The following MIR2052HG variants were observed in gnomAD, a reference collection of about 807,000 sequenced individuals.
The protein encoded by MIR2052HG is MIR2052 host gene.
At chr8:74,716,164 A>C (rs1268022785) in intron 4 of MIR2052HG, among the ~76,000 whole-genome samples, 1 of 152,144 alleles carries the variant, frequency 6.6e-6, no homozygotes, top group Non-Finnish European at 1.5e-5. Context: ...TGCCACCTGA[A>C]CAGTGAGGAA....
intron 5 of MIR2052HG, among the ~76,000 whole-genome samples, chr8:74,753,363 C>G (rs1049244151): frequency 3.9e-5 from 6 of 152,052 alleles, no homozygotes; most frequent in Non-Finnish European, 8.8e-5. Context: ...GCATAGGATG[C>G]GTAACAGTGA....
intron 2 of MIR2052HG, among the ~76,000 whole-genome samples, chr8:74,618,770 C>T (rs1216188413): frequency 6.6e-6 from 1 of 152,176 alleles, no homozygotes; most frequent in Admixed American, 6.5e-5. Flanking sequence ...TTCTATTCAA[C>T]ATAGTACTGG....
chr8:74,686,398 CTTGA>C (rs1162455718), intron 2 of MIR2052HG, among the ~76,000 whole-genome samples: 1 of 151,950 alleles, frequency 6.6e-6, no homozygotes, highest in Non-Finnish European at 1.5e-5. Context: ...TTTTGTTCAA[CTTGA>C]TTGATAGAGA....
At chr8:74,656,852 G>T (rs1433313387) in intron 2 of MIR2052HG, among the ~76,000 whole-genome samples, 1 of 152,182 alleles carries the variant, frequency 6.6e-6, no homozygotes, top group Admixed American at 6.5e-5. Flanking sequence ...GCTTTTCAGG[G>T]ACAAAAGAAG....
chr8:74,717,180 C>G (rs1434654205), intron 4 of MIR2052HG, among the ~76,000 whole-genome samples: 1 of 151,954 alleles, frequency 6.6e-6, no homozygotes, highest in Non-Finnish European at 1.5e-5. Flanking sequence ...CCTGAAAGAC[C>G]CTTCCTTGTT....
intron 1 of MIR2052HG, among the ~76,000 whole-genome samples, chr8:74,601,645 G>GT (rs907530027): frequency 5.3e-5 from 8 of 152,008 alleles, no homozygotes; most frequent in African/African-American, 1.9e-4. Context: ...AACCTTTCTT[G>GT]TTTTCTCCAC....
intron 4 of MIR2052HG, among the ~76,000 whole-genome samples, chr8:74,732,589 T>A (rs1173458101): frequency 6.6e-6 from 1 of 152,152 alleles, no homozygotes; most frequent in Non-Finnish European, 1.5e-5. Flanking sequence ...CAATAAGTAA[T>A]ATAATGCTCA....
At position 74,689,229 on chromosome 8, in the gene MIR2052HG, G is replaced by A. The variant is rs79945007; in HGVS notation, n.217-13150G>A. On this transcript the variant is annotated intron_variant and non_coding_transcript_variant, in intron 2 of 6. Coordinates refer to ENST00000523442, the Ensembl canonical transcript of MIR2052HG. ...TAGAGAGAAAAAGACCACTAAAATG[G>A]GAAGACTCATCTCTTCTTTGCAGTT... Among the ~76,000 whole-genome samples the A allele has an allele frequency of 7.4e-3, 1,133 of 152,186 alleles. 9 individuals carry two copies. The highest frequency in any genetic ancestry group is 0.026 in the African/African-American group (1,076 of 41,524).
chr8:74,697,412 G>A (rs778502171), intron 2 of MIR2052HG, among the ~76,000 whole-genome samples: 2 of 152,072 alleles, frequency 1.3e-5, no homozygotes, highest in Non-Finnish European at 2.9e-5. Flanking sequence ...CTGAGAACTG[G>A]AACAAGACAA....
At chr8:74,714,483 A>G (rs1035230881) in intron 4 of MIR2052HG, among the ~76,000 whole-genome samples, 6 of 152,190 alleles carry the variant, frequency 3.9e-5, no homozygotes, top group Admixed American at 3.9e-4. Flanking sequence ...ATCCAACTCT[A>G]TATTAAATGA....
At chr8:74,713,952 G>A (rs1350722192) in intron 4 of MIR2052HG, among the ~76,000 whole-genome samples, 1 of 152,070 alleles carries the variant, frequency 6.6e-6, no homozygotes, top group Non-Finnish European at 1.5e-5. Context: ...TGGGAGAAAA[G>A]ATGGGGGGAA....
At chr8:74,743,943 C>T (rs1030479637) in intron 4 of MIR2052HG, among the ~76,000 whole-genome samples, 3 of 152,146 alleles carry the variant, frequency 2.0e-5, no homozygotes, top group Non-Finnish European at 4.4e-5. Context: ...GAATTAATGC[C>T]ACGAAACTTA....
chr8:74,701,112 A>G (rs986380034), intron 2 of MIR2052HG, among the ~76,000 whole-genome samples: 1 of 152,156 alleles, frequency 6.6e-6, no homozygotes, highest in Non-Finnish European at 1.5e-5. Flanking sequence ...GAGAATAAAG[A>G]AAACTGTGGC....
chr8:74,661,566 A>G (rs1386339124), intron 2 of MIR2052HG, among the ~76,000 whole-genome samples: 1 of 152,206 alleles, frequency 6.6e-6, no homozygotes, highest in Non-Finnish European at 1.5e-5. Flanking sequence ...GCATGGCTGT[A>G]CAAGAGGTTC....
At chr8:74,600,351 G>A (rs1487857585) in intron 1 of MIR2052HG, among the ~76,000 whole-genome samples, 2 of 151,116 alleles carry the variant, frequency 1.3e-5, no homozygotes, top group East Asian at 2.0e-4. Context: ...TTGAGAGGCC[G>A]AGGTGGGCGG....
chr8:74,697,780 A>G (rs578261970), intron 2 of MIR2052HG, among the ~76,000 whole-genome samples: 35 of 152,262 alleles, frequency 2.3e-4, no homozygotes, highest in Non-Finnish European at 4.9e-4. Flanking sequence ...AAAAAACCTT[A>G]AGACTATACC....
chr8:74,742,678 T>A (rs575472049), intron 4 of MIR2052HG, among the ~76,000 whole-genome samples: 11 of 152,304 alleles, frequency 7.2e-5, no homozygotes, highest in Non-Finnish European at 1.3e-4. Flanking sequence ...AATGTTGACA[T>A]CATTGCATGC....
chr8:74,753,413 C>T (rs911729349), intron 5 of MIR2052HG, among the ~76,000 whole-genome samples: 2 of 152,230 alleles, frequency 1.3e-5, no homozygotes, highest in Non-Finnish European at 2.9e-5. Context: ...TAAATTGCAT[C>T]AATATTTTAG....
chr8:74,617,008 A>G (rs541174886), intron 2 of MIR2052HG, among the ~76,000 whole-genome samples: 1 of 152,362 alleles, frequency 6.6e-6, no homozygotes, highest in African/African-American at 2.4e-5. Flanking sequence ...CATTCCATGA[A>G]CATCCTTTGA....
Sources: allele counts gnomAD v4.1 joint callset (sites outside exome capture counted in the v4.1 genomes callset), GRCh38; gene constraint gnomAD v4.1.1; transcripts MANE v1.5; gene names NCBI Gene and HGNC (gene_info 2026-07-23, HGNC 2026-07-21).